Variants in ATF7 observed in about 807,000 individuals in gnomAD.
The protein encoded by ATF7 is activating transcription factor 7, also known as cyclic AMP-dependent transcription factor ATF-7.
ATF7 carries 10 observed loss-of-function variants against 50.4 expected under a neutral mutation model. The observed-to-expected ratio is 0.20, with a 90% CI of 0.12 to 0.34. The LOEUF (loss-of-function observed/expected upper bound fraction) is 0.34, where lower values mean the gene tolerates loss of function less well. Among genes scored for constraint, ATF7 ranks in the 10% least tolerant of loss-of-function variants. ATF7 has a pLI of 1.00. For missense variants in ATF7, 465 were observed against 613.9 expected (o/e 0.76, Z 2.56); for synonymous variants, 201 against 226.4 (o/e 0.89, Z 1.01).
chr12:53,537,669 A>G (rs766014594), intron 4 of ATF7, 117 bp from the exon 5 acceptor site: 37 of 1,197,952 alleles, frequency 3.1e-5, no homozygotes, highest in Non-Finnish European at 4.2e-5. Flanking sequence ...CTCTTATACA[A>G]TGCACTGAAC....
chr12:53,529,710 T>TATACACACACAC (rs1555216854), intron 9 of ATF7, among the ~76,000 whole-genome samples: 91 of 132,232 alleles, frequency 6.9e-4, no homozygotes, highest in African/African-American at 2.2e-3. Context: ...TATATACACA[T>TATACACACACAC]ACACACACAC....
At chr12:53,595,191 G>A (rs1242421155) in intron 2 of ATF7, among the ~76,000 whole-genome samples, 14 of 152,084 alleles carry the variant, frequency 9.2e-5, no homozygotes, top group Admixed American at 9.2e-4. Context: ...CAGAGGGTGG[G>A]GAAAAAAGGC....
chr12:53,562,649 T>A (rs991649845), intron 2 of ATF7, among the ~76,000 whole-genome samples: 9 of 145,836 alleles, frequency 6.2e-5, no homozygotes, highest in Non-Finnish European at 1.2e-4. Context: ...AAAAAAAAAA[T>A]TTTTTTTTGC....
intron 1 of ATF7, among the ~76,000 whole-genome samples, chr12:53,619,944 G>A (rs1944308706): frequency 6.6e-6 from 1 of 151,890 alleles, no homozygotes; most frequent in Admixed American, 6.6e-5. Context: ...CCAGCAGTTC[G>A]AGACCAGCCT....
chr12:53,572,762 T>C (rs1047863314), intron 2 of ATF7, among the ~76,000 whole-genome samples: 1 of 151,284 alleles, frequency 6.6e-6, no homozygotes, highest in Non-Finnish European at 1.5e-5. Flanking sequence ...GCCTGGGTGA[T>C]AGAGTGAGAC....
rs561281030 is a variant in ATF7, at chr12:53,541,859, T to C, written c.264+1471A>G. Among the ~76,000 whole-genome samples the C allele has an allele frequency of 2.0e-5, 3 of 152,264 alleles. No homozygotes were observed. The South Asian group carries it at 6.2e-4, about 32-fold the overall frequency. ...GTTTTTGAGACAAAGTCTCACTCTG[T>C]CGCCCAGGCTGGAATGCAGTGGCAT... On this transcript the variant is annotated intron_variant, in intron 4 of 11. Coordinates refer to ENST00000420353, the MANE Select transcript of ATF7 (RefSeq NM_006856.3).
At chr12:53,561,849 G>A (rs1941136436) in intron 2 of ATF7, among the ~76,000 whole-genome samples, 1 of 152,134 alleles carries the variant, frequency 6.6e-6, no homozygotes, top group African/African-American at 2.4e-5. Context: ...TACAACCACA[G>A]CAACAGTAGC....
intron 2 of ATF7, among the ~76,000 whole-genome samples, chr12:53,578,367 CAAAAA>C (rs56914905): frequency 9.3e-6 from 1 of 107,754 alleles, no homozygotes; most frequent in African/African-American, 3.6e-5. Context: ...GATCTTCTCT[CAAAAA>C]AAAAAAAAAA....
chr12:53,588,239 G>A (rs1942805793), intron 2 of ATF7, among the ~76,000 whole-genome samples: 1 of 152,162 alleles, frequency 6.6e-6, no homozygotes, highest in Admixed American at 6.5e-5. Context: ...GATGATAAAT[G>A]AAATTTCCAT....
chr12:53,523,230 G>T, intron 11 of ATF7, 46 bp downstream of exon 11: 1 of 1,297,988 alleles, frequency 7.7e-7, no homozygotes, highest in Non-Finnish European at 1.1e-6. Flanking sequence ...CTCAGTACAT[G>T]CAGTTTACTG....
chr12:53,587,843 ATTTTT>A (rs201692852), intron 2 of ATF7, among the ~76,000 whole-genome samples: 53 of 61,560 alleles, frequency 8.6e-4, no homozygotes, highest in Admixed American at 2.7e-3. Context: ...ATATATATAT[ATTTTT>A]TTTTTTTTTT....
chr12:53,567,485 C>T (rs1460500197), intron 2 of ATF7, among the ~76,000 whole-genome samples: 1 of 152,224 alleles, frequency 6.6e-6, no homozygotes, highest in African/African-American at 2.4e-5. Context: ...CCTCAATACC[C>T]AGTGTTTGGC....
At chr12:53,512,049 A>G (rs981770276), downstream of ATF7, 7 of 152,252 alleles carry the variant, frequency 4.6e-5, no homozygotes, top group Admixed American at 2.0e-4. Context: ...AGCATCAGAC[A>G]TAACAGTGGT....
intron 1 of ATF7, among the ~76,000 whole-genome samples, chr12:53,616,945 C>CA (rs548267926): frequency 0.19 from 15,470 of 79,878 alleles, 1,082 homozygotes; most frequent in Admixed American, 0.34. Context: ...ACTCTGTCTC[C>CA]AAAAAAAAAA....
At chr12:53,584,908 G>C (rs1375416713) in intron 2 of ATF7, among the ~76,000 whole-genome samples, 1 of 152,142 alleles carries the variant, frequency 6.6e-6, no homozygotes, top group Non-Finnish European at 1.5e-5. Flanking sequence ...GGATGAACAG[G>C]CAGAGCACAG....
At chr12:53,530,963 T>C (rs1022866212) in intron 9 of ATF7, among the ~76,000 whole-genome samples, 29 of 152,178 alleles carry the variant, frequency 1.9e-4, no homozygotes, top group East Asian at 1.9e-4. Context: ...TATATTGTTA[T>C]GGTTTTTGTT....
At chr12:53,546,375 A>AAAAAAACAAAAAACAAAAAAC (rs71068137) in intron 3 of ATF7, among the ~76,000 whole-genome samples, 1 of 150,496 alleles carries the variant, frequency 6.6e-6, no homozygotes, top group Admixed American at 6.6e-5. Flanking sequence ...ACCTGTCTCA[A>AAAAAAACAAAAAACAAAAAAC]AAAAAACAAA....
At chr12:53,613,105 A>G (rs1012810827) in intron 1 of ATF7, among the ~76,000 whole-genome samples, 2 of 152,260 alleles carry the variant, frequency 1.3e-5, no homozygotes, top group Non-Finnish European at 2.9e-5. Context: ...AGTACTAAAA[A>G]GTTCACAGAT....
chr12:53,551,381 C>T (rs1435096731), intron 3 of ATF7, among the ~76,000 whole-genome samples: 3 of 152,138 alleles, frequency 2.0e-5, no homozygotes, highest in Admixed American at 1.3e-4. Flanking sequence ...AGGCTGGTCT[C>T]GAACTCCCAG....
Sources: allele counts gnomAD v4.1 joint callset (sites outside exome capture counted in the v4.1 genomes callset), GRCh38; gene constraint gnomAD v4.1.1; transcripts MANE v1.5; gene names NCBI Gene and HGNC (gene_info 2026-07-23, HGNC 2026-07-21).